The following PSMD12 variants were observed in gnomAD, a reference collection of about 807,000 sequenced individuals.
The protein encoded by PSMD12 is proteasome 26S subunit, non-ATPase 12.
Under a neutral mutation model 62.9 loss-of-function variants are expected in PSMD12, and 8 were observed. The ratio of observed to expected loss-of-function variants is 0.13; its 90% CI spans 0.07 to 0.23. The LOEUF is 0.23. Ranked by LOEUF, PSMD12 falls within the 10% of genes least tolerant of loss-of-function variation. The pLI is 1.00. For synonymous variants in PSMD12, 173 were observed against 187.4 expected, an observed-to-expected ratio of 0.92 and a Z score of 0.63; for missense variants, 424 against 550.2, an observed-to-expected ratio of 0.77 and a Z score of 2.29.
intron 3 of PSMD12, among the ~76,000 whole-genome samples, chr17:67,353,922 T>C (rs2042042754): frequency 1.3e-5 from 2 of 152,198 alleles, no homozygotes; most frequent in Non-Finnish European, 2.9e-5. Context: ...TACTCTTGTG[T>C]CACTTATACA....
chr17:67,365,147 G>T (rs905920363), intron 1 of PSMD12, among the ~76,000 whole-genome samples: 4 of 147,094 alleles, frequency 2.7e-5, no homozygotes, highest in Non-Finnish European at 1.5e-5. Context: ...TTGCGCCACT[G>T]CACTCCATCC....
At chr17:67,363,369 T>C (rs770354341) in intron 1 of PSMD12, among the ~76,000 whole-genome samples, 8 of 152,196 alleles carry the variant, frequency 5.3e-5, no homozygotes, top group Non-Finnish European at 7.3e-5. Context: ...GGCCTCAAAC[T>C]CCTGGCCTCA....
At chr17:67,342,659 G>C (rs1185729483) in intron 9 of PSMD12, among the ~76,000 whole-genome samples, 1 of 151,888 alleles carries the variant, frequency 6.6e-6, no homozygotes, top group African/African-American at 2.4e-5. Context: ...GAGATCGATC[G>C]GGTGCAGGGA....
rs147249453 is a variant in PSMD12, at chr17:67,340,873, G to T, written c.1341C>A (p.Ala447=). 8.0e-3 allele frequency: 12,687 copies of T among 1,585,742 alleles called. 73 individuals are homozygous for T. The highest frequency in any genetic ancestry group is 0.01 in the Non-Finnish European group (11,826 of 1,170,960). The change falls in exon 11 of 11, where the codon GCC becomes GCA. Residue 447 remains alanine (A), a synonymous_variant. Transcript: ENST00000356126. ...GTAGATTATGTATCATCTCCTCTTTGGCTATGAGATGCGTAGTTTTGTTAA... is the reference window on the plus strand; with the variant it reads ...GTAGATTATGTATCATCTCCTCTTTTGCTATGAGATGCGTAGTTTTGTTAA... ...SLVNKTTHLI[A]KEEMIHNLQ
chr17:67,343,731 T>C (rs1301205228), intron 9 of PSMD12, among the ~76,000 whole-genome samples: 2 of 152,200 alleles, frequency 1.3e-5, no homozygotes, highest in Non-Finnish European at 2.9e-5. Flanking sequence ...TGAGACGGCG[T>C]CTTGCTCTGT....
intron 4 of PSMD12, among the ~76,000 whole-genome samples, chr17:67,349,382 C>T (rs1402592330): frequency 6.6e-6 from 1 of 152,190 alleles, no homozygotes; most frequent in Admixed American, 6.5e-5. Flanking sequence ...ACTTTATCCG[C>T]CATGTACAAA....
intron 9 of PSMD12, among the ~76,000 whole-genome samples, chr17:67,343,541 A>G (rs2041934987): frequency 6.6e-6 from 1 of 152,022 alleles, no homozygotes; most frequent in South Asian, 2.1e-4. Context: ...CACCTCAATC[A>G]TCGATTCATC....
chr17:67,352,205 A>C (rs1598566434), intron 3 of PSMD12, among the ~76,000 whole-genome samples: 1 of 151,636 alleles, frequency 6.6e-6, no homozygotes, highest in Non-Finnish European at 1.5e-5. Context: ...TGATCTTCCC[A>C]CCTCAGCCTC....
At chr17:67,358,365 C>T (rs772625715) in intron 1 of PSMD12, among the ~76,000 whole-genome samples, 7 of 151,528 alleles carry the variant, frequency 4.6e-5, no homozygotes, top group African/African-American at 7.3e-5. Flanking sequence ...CTCAGGAGTT[C>T]GAGACCAGGC....
chr17:67,343,005 CTT>C (rs2041929722), intron 9 of PSMD12, among the ~76,000 whole-genome samples: 1 of 151,384 alleles, frequency 6.6e-6, no homozygotes, highest in Admixed American at 6.6e-5. Flanking sequence ...ATTCCAATGA[CTT>C]AAAGATAGCT....
rs1244813805 is a variant in PSMD12, at chr17:67,347,498, T to C, written c.511-13A>G. 4 of 1,598,822 alleles carry C rather than the reference T, an allele frequency of 2.5e-6. No homozygotes were observed. Among genetic ancestry groups the C allele is most frequent in the South Asian group, 2.3e-5 (2 of 87,844 alleles). On this transcript the variant is annotated splice_polypyrimidine_tract_variant and intron_variant, in intron 5 of 10. Coordinates refer to ENST00000356126, the MANE Select transcript of PSMD12 (RefSeq NM_002816.5). ...CGTAGGTTTCCACCTAGCACAGTAATTCCCCAAATAAGTTTATAATACTTT... is the reference window on the plus strand; with the variant it reads ...CGTAGGTTTCCACCTAGCACAGTAACTCCCCAAATAAGTTTATAATACTTT...
At chr17:67,357,788 C>T (rs528980139) in intron 1 of PSMD12, among the ~76,000 whole-genome samples, 48 of 152,284 alleles carry the variant, frequency 3.2e-4, no homozygotes, top group African/African-American at 9.6e-4. Flanking sequence ...CTACTTGAAG[C>T]CCATAAGCTA....
At chr17:67,363,244 T>C (rs2042150348) in intron 1 of PSMD12, among the ~76,000 whole-genome samples, 1 of 152,288 alleles carries the variant, frequency 6.6e-6, no homozygotes, top group Admixed American at 6.5e-5. Context: ...CTCGAACTAC[T>C]GCGCTCAAGC....
intron 3 of PSMD12, among the ~76,000 whole-genome samples, chr17:67,355,980 A>G (rs978595375): frequency 1.4e-5 from 1 of 73,626 alleles, no homozygotes; most frequent in African/African-American, 5.5e-5. Context: ...ACACACACAC[A>G]CACACACACA....
chr17:67,353,222 C>T (rs1399296700), intron 3 of PSMD12, among the ~76,000 whole-genome samples: 2 of 152,194 alleles, frequency 1.3e-5, no homozygotes, highest in Middle Eastern at 3.4e-3. Flanking sequence ...CCCTTGGGCT[C>T]GAGTGACAGA....
In PSMD12 at chr17:67,344,586, T is replaced by A; in HGVS notation, c.1083+20A>T. On this transcript the variant is annotated intron_variant, in intron 9 of 10. Transcript: ENST00000356126. ...CTAAAGGTTAAAATAAAAATTGTCA[T>A]CTCTATGACAGATTCTTACATGTTC... 6.6e-7 allele frequency: 1 copy of A among 1,516,908 alleles called. No individual in the cohort carries two copies. The highest frequency in any genetic ancestry group is 8.9e-7 in the Non-Finnish European group (1 of 1,124,990). 94.0% of individuals were successfully genotyped at this position (1,516,908 alleles called of 1,614,324 possible).
intron 3 of PSMD12, among the ~76,000 whole-genome samples, chr17:67,352,289 G>A (rs2042026187): frequency 6.6e-6 from 1 of 151,696 alleles, no homozygotes; most frequent in African/African-American, 2.4e-5. Context: ...TAAAGACAGG[G>A]GTCTCACCAT....
rs1423057102 is a variant in PSMD12, at chr17:67,366,555, T to C, written c.-36A>G. The C allele has an allele frequency of 6.4e-7, 1 of 1,561,434 alleles. No homozygotes were observed. The highest frequency in any genetic ancestry group is 8.7e-7 in the Non-Finnish European group (1 of 1,152,546). ...TGAGCGTCCCTTGCTGTCCCCCTGC[T>C]TCGGCCACCACTCGTCACCCACACC... On this transcript the variant is annotated 5_prime_UTR_variant, in exon 1 of 11. Coordinates refer to ENST00000356126, the MANE Select transcript of PSMD12 (RefSeq NM_002816.5).
intron 3 of PSMD12, among the ~76,000 whole-genome samples, chr17:67,356,438 G>C (rs1397170131): frequency 5.4e-5 from 8 of 149,138 alleles, no homozygotes; most frequent in African/African-American, 2.0e-4. Flanking sequence ...GGCGCCTGTA[G>C]TCCCAGCTAC....
Sources: gnomAD v4.1 joint callset for allele counts (sites outside exome capture counted in the v4.1 genomes callset) on GRCh38, gnomAD v4.1.1 for gene constraint, MANE v1.5 for transcripts, NCBI Gene and HGNC (gene_info 2026-07-23, HGNC 2026-07-21) for gene names.